The following TCEA3 variants were observed in gnomAD, a reference collection of about 807,000 sequenced individuals.
The protein encoded by TCEA3 is transcription elongation factor A3.
A neutral mutation model predicts 44.0 loss-of-function variants in TCEA3; 36 were observed. The observed-to-expected ratio is 0.82, with a 90% CI of 0.63 to 1.08. The LOEUF is 1.08. TCEA3 is among the 50% of genes least tolerant of loss of function. The pLI, the probability that TCEA3 is intolerant of heterozygous loss-of-function variation, is 0.00. For synonymous variants in TCEA3, 162 were observed against 159.7 expected, an observed-to-expected ratio of 1.01 and a Z score of -0.11; for missense variants, 392 against 441.2, an observed-to-expected ratio of 0.89 and a Z score of 1.00.
At chr1:23,392,994 A>G (rs1639107341) in intron 8 of TCEA3, among the ~76,000 whole-genome samples, 1 of 152,184 alleles carries the variant, frequency 6.6e-6, no homozygotes, top group South Asian at 2.1e-4. Context: ...AACTCACCAT[A>G]ATGTAGAATT....
intron 4 of TCEA3, among the ~76,000 whole-genome samples, chr1:23,414,009 T>TAA (rs2148578901): frequency 6.8e-6 from 1 of 147,438 alleles, no homozygotes; most frequent in East Asian, 1.9e-4. Context: ...TATATATATA[T>TAA]AAATTTTATA....
At chr1:23,383,914 C>T in intron 10 of TCEA3, 1 of 1,010,546 alleles carries the variant, frequency 9.9e-7, no homozygotes, top group South Asian at 4.6e-5. Context: ...TTAGGTTCAA[C>T]TCCTTTCTGA....
At chr1:23,423,197 C>A (rs1161319386) in intron 1 of TCEA3, among the ~76,000 whole-genome samples, 1 of 152,198 alleles carries the variant, frequency 6.6e-6, no homozygotes, top group Non-Finnish European at 1.5e-5. Context: ...CAGCACTCTG[C>A]AGGTTTGTGC....
intron 8 of TCEA3, among the ~76,000 whole-genome samples, chr1:23,393,214 G>A (rs1178620381): frequency 6.6e-6 from 1 of 152,172 alleles, no homozygotes; most frequent in Non-Finnish European, 1.5e-5. Flanking sequence ...AGGCAGTAAT[G>A]CGAGTGATGG....
chr1:23,414,416 T>G (rs1639828995), intron 4 of TCEA3, among the ~76,000 whole-genome samples: 1 of 151,748 alleles, frequency 6.6e-6, no homozygotes, highest in Admixed American at 6.6e-5. Flanking sequence ...TTTTGTTTTG[T>G]TTTTAAGACG....
At chr1:23,400,307 A>G (rs1639360022) in intron 5 of TCEA3, among the ~76,000 whole-genome samples, 1 of 151,220 alleles carries the variant, frequency 6.6e-6, no homozygotes, top group Non-Finnish European at 1.5e-5. Flanking sequence ...CTGGGCTCAA[A>G]CAATCCTCCT....
At chr1:23,382,909 A>G (rs1638704651) in intron 10 of TCEA3, among the ~76,000 whole-genome samples, 2 of 152,224 alleles carry the variant, frequency 1.3e-5, no homozygotes, top group South Asian at 2.1e-4. Flanking sequence ...AAAATACATA[A>G]TCATCTGGTT....
At chr1:23,422,382 G>A (rs1409855495) in intron 1 of TCEA3, among the ~76,000 whole-genome samples, 1 of 152,214 alleles carries the variant, frequency 6.6e-6, no homozygotes, top group East Asian at 1.9e-4. Flanking sequence ...ATGTAGCTGT[G>A]ACCGTAGGCA....
rs1347798498 is a variant in TCEA3, at chr1:23,394,046, A to G, written c.665-13T>C. On this transcript the variant is annotated splice_polypyrimidine_tract_variant and intron_variant, in intron 7 of 10. Coordinates refer to ENST00000450454, the MANE Select transcript of TCEA3 (RefSeq NM_003196.3). ...TCTTGGTAGATATGTGACACAGTCA[A>G]GGGCCGGCCAGCCATTCATGGAGGG... is the stretch of plus-strand genomic sequence containing the variant. 3.1e-6 allele frequency: 5 copies of G among 1,613,526 alleles called. No homozygotes were observed. The highest frequency in any genetic ancestry group is 3.4e-6 in the Non-Finnish European group (4 of 1,179,656).
chr1:23,382,049 A>AT (rs5773042), intron 10 of TCEA3, among the ~76,000 whole-genome samples: 98,341 of 144,178 alleles, frequency 0.68, 37,293 homozygotes, highest in Non-Finnish European at 0.85. Context: ...ATCACTCCCA[A>AT]TTTTTTTTTT....
intron 5 of TCEA3, among the ~76,000 whole-genome samples, chr1:23,405,378 C>G (rs1439187423): frequency 6.6e-6 from 1 of 152,078 alleles, no homozygotes; most frequent in Non-Finnish European, 1.5e-5. Flanking sequence ...GGGTGGATCA[C>G]AAGGTCAAGA....
At chr1:23,412,865 G>T (rs1639775315) in intron 4 of TCEA3, among the ~76,000 whole-genome samples, 1 of 152,174 alleles carries the variant, frequency 6.6e-6, no homozygotes, top group African/African-American at 2.4e-5. Flanking sequence ...TCACTAATGT[G>T]GTTACAGTGT....
chr1:23,411,461 G>A (rs924529352), intron 4 of TCEA3: 1 of 199,880 alleles, frequency 5.0e-6, no homozygotes, highest in Admixed American at 5.0e-5. Flanking sequence ...CCCAGCCAGA[G>A]GTCTCGAATT....
intron 8 of TCEA3, among the ~76,000 whole-genome samples, chr1:23,393,095 T>G (rs1406818820): frequency 6.6e-6 from 1 of 152,188 alleles, no homozygotes; most frequent in East Asian, 1.9e-4. Context: ...AGGCATTAGA[T>G]TCTCATGAGA....
chr1:23,421,796 G>C (rs1381453835), intron 1 of TCEA3, among the ~76,000 whole-genome samples: 1 of 152,270 alleles, frequency 6.6e-6, no homozygotes, highest in East Asian at 1.9e-4. Context: ...AGATAATGTA[G>C]TTTTTTGAAA....
At position 23,396,680 on chromosome 1, in the gene TCEA3, T is replaced by A. The variant is rs1303622110; in HGVS notation, c.664+865A>T. Among the ~76,000 whole-genome samples, 3 of 151,906 alleles carry A rather than the reference T, an allele frequency of 2.0e-5. No individual in the cohort carries two copies. In the East Asian group the frequency reaches 5.8e-4, roughly 29 times the overall value. On this transcript the variant is annotated intron_variant, in intron 7 of 10. Transcript: ENST00000450454. ...AGGAAGTGTCAATTGGCCATTGCAGTGCTTGATATATATTTGGGAGTAAAA... is the reference window on the plus strand; with the variant it reads ...AGGAAGTGTCAATTGGCCATTGCAGAGCTTGATATATATTTGGGAGTAAAA...
In TCEA3 at chr1:23,387,282, G is replaced by C; in HGVS notation, c.957C>G (p.Thr319=). 6.2e-7 allele frequency: 1 copy of C among 1,613,868 alleles called. No individual in the cohort carries two copies. Among genetic ancestry groups the C allele is most frequent in the Admixed American group, 1.7e-5 (1 of 60,006 alleles). Residue 319 remains threonine, a synonymous_variant, in exon 9 of 11, where the codon ACC becomes ACG. Coordinates refer to ENST00000450454, the MANE Select transcript of TCEA3 (RefSeq NM_003196.3). ...CCCTCACTGTCCTTACCTGGTTATA[G>C]GTGCAGTTCTTCTTCTTGCATTTGC... is the stretch of plus-strand genomic sequence containing the variant. The part of the protein sequence containing the change: ...QCSKCKKKNC[T]YNQVQTRSAD...
intron 4 of TCEA3, chr1:23,411,054 T>C (rs910360707): frequency 3.5e-5 from 7 of 202,136 alleles, no homozygotes; most frequent in African/African-American, 1.2e-4. Context: ...GTGTACCAAA[T>C]GGGTGATGTC....
intron 5 of TCEA3, among the ~76,000 whole-genome samples, chr1:23,402,474 G>A (rs1173954264): frequency 1.3e-5 from 2 of 152,172 alleles, no homozygotes; most frequent in East Asian, 3.9e-4. Flanking sequence ...CCACAGCACT[G>A]CTTCTTTCTG....
Sources: allele counts gnomAD v4.1 joint callset (sites outside exome capture counted in the v4.1 genomes callset), GRCh38; gene constraint gnomAD v4.1.1; transcripts MANE v1.5; gene names NCBI Gene and HGNC (gene_info 2026-07-23, HGNC 2026-07-21).